LYSMD3: variants seen among roughly 807,000 people sequenced by gnomAD.
The protein encoded by LYSMD3 is LysM domain containing 3.
A neutral mutation model predicts 26.1 loss-of-function variants in LYSMD3; 13 were observed. That is an observed-to-expected ratio of 0.50 (90% CI 0.32 to 0.79). LYSMD3 has a LOEUF of 0.79. Ranked by LOEUF, LYSMD3 falls within the 30% of genes least tolerant of loss-of-function variation. The pLI is 0.03. For synonymous variants in LYSMD3, 109 were observed against 119.4 expected, an observed-to-expected ratio of 0.91 and a Z score of 0.57; for missense variants, 331 against 362.5, an observed-to-expected ratio of 0.91 and a Z score of 0.71.
rs963979607 is a variant in LYSMD3, at chr5:90,518,491, T to A, written c.*328A>T. The A allele has an allele frequency of 4.9e-6, 1 of 203,692 alleles. No homozygotes were observed. Among genetic ancestry groups the A allele is most frequent in the East Asian group, 1.2e-4 (1 of 8,496 alleles). The allele number at this position is 203,692 out of a possible 1,614,324, so 12.6% of individuals were successfully genotyped here. A position where few individuals can be genotyped will look rare whatever the true frequency, so the allele number is the denominator to read the frequency against. ...TCATTCTGCATCATAAATTTAACATTAATAAACTTTTTAAAAATTACTTAA... is the reference window on the plus strand; with the variant it reads ...TCATTCTGCATCATAAATTTAACATAAATAAACTTTTTAAAAATTACTTAA... On this transcript the variant is annotated 3_prime_UTR_variant, in exon 3 of 3. Transcript: ENST00000315948.
chr5:90,524,745 A>C (rs1169912292), intron 2 of LYSMD3, among the ~76,000 whole-genome samples: 5 of 152,016 alleles, frequency 3.3e-5, no homozygotes, highest in Non-Finnish European at 7.4e-5. Flanking sequence ...GCGCCTGCCA[A>C]CACGCCCGGC....
chr5:90,520,279 A>T, intron 2 of LYSMD3: 1 of 409,852 alleles, frequency 2.4e-6, no homozygotes, highest in Non-Finnish European at 4.9e-6. Context: ...TGTCTGGCAG[A>T]TTACCAATTG....
In LYSMD3 at chr5:90,519,498, A is replaced by AT. The variant is rs750613041; in HGVS notation, c.256-15_256-14insA. On this transcript the variant is annotated splice_polypyrimidine_tract_variant and intron_variant, in intron 2 of 2. Transcript: ENST00000315948. ...GATATCTGCTACCTGTGGGGGGGAA[A>AT]AAAAAGCAACATACAACTGAATTCC... 1 of 1,586,404 alleles carries AT rather than the reference A, an allele frequency of 6.3e-7. No individual in the cohort carries two copies. The highest frequency in any genetic ancestry group is 2.2e-5 in the East Asian group (1 of 44,572).
chr5:90,525,031 T>G lies in LYSMD3; in HGVS notation c.255+4A>C, dbSNP rs201763794. The G allele has an allele frequency of 3.1e-5, 49 of 1,566,570 alleles. No homozygotes were observed. The highest frequency in any genetic ancestry group is 4.0e-5 in the Non-Finnish European group (46 of 1,155,262). On this transcript the variant is annotated splice_donor_region_variant and intron_variant, in intron 2 of 2. Coordinates refer to ENST00000315948, the MANE Select transcript of LYSMD3 (RefSeq NM_198273.2). ...GAATTGCATTATGTAATATTAAAAC[T>G]TACCGTACAACAGTACTGAAGGGCT...
intron 2 of LYSMD3, among the ~76,000 whole-genome samples, chr5:90,520,831 A>G (rs1198659202): frequency 2.0e-5 from 3 of 152,076 alleles, no homozygotes; most frequent in Admixed American, 2.0e-4. Context: ...AGGCAGGAGA[A>G]TTACTGGAAG....
intron 2 of LYSMD3, 121 bp downstream of exon 2, chr5:90,524,913 CA>C: frequency 1.0e-6 from 1 of 1,000,974 alleles, no homozygotes; most frequent in Non-Finnish European, 1.4e-6. Flanking sequence ...GATTTCTATG[CA>C]AAAAATAAGA....
rs1753029349 is a variant in LYSMD3 at position 90,519,298 on chromosome 5, T to C, written c.442A>G (p.Asn148Asp). 2 of 1,614,082 alleles carry C rather than the reference T, an allele frequency of 1.2e-6. No individual in the cohort carries two copies. Among genetic ancestry groups the C allele is most frequent in the Non-Finnish European group, 1.7e-6 (2 of 1,180,004 alleles). Residue 148 changes from asparagine to aspartate, a missense_variant, in exon 3 of 3, where the codon AAT (asparagine) becomes GAT (aspartate). Coordinates refer to ENST00000315948, the MANE Select transcript of LYSMD3 (RefSeq NM_198273.2). The stretch of plus-strand genomic sequence containing the variant: ...GAGTCACTGTAAGCAAGAGAATCAT[T>C]AGCTGGCAAAATTTCCTGTTGTTCG... ...SSEQQEILPA[N>D]DSLAYSDSAG...
rs1753033149 is a variant in LYSMD3 at position 90,519,393 on chromosome 5, G to A, written c.347C>T (p.Ser116Phe). 1 of 1,613,914 alleles carries A rather than the reference G, an allele frequency of 6.2e-7. No individual in the cohort carries two copies. Among genetic ancestry groups the A allele is most frequent in the Non-Finnish European group, 8.5e-7 (1 of 1,179,926 alleles). The change falls in exon 3 of 3, where the codon TCC becomes TTC. Residue 116 changes from serine to phenylalanine, a missense_variant. Coordinates refer to ENST00000315948, the MANE Select transcript of LYSMD3 (RefSeq NM_198273.2). ...TGGAGGACAAAGTGTTTCGGTCAAG[G>A]AACTGAACTTTTTTACTGGAATTTT... is the stretch of plus-strand genomic sequence containing the variant. ...SIKIPVKKFS[S>F]LTETLCPPKG...
chr5:90,526,942 G>C (rs1363903465), intron 1 of LYSMD3: 1 of 152,110 alleles, frequency 6.6e-6, no homozygotes, highest in Non-Finnish European at 1.5e-5. Flanking sequence ...AAAAAGAAGA[G>C]GGTCCAAGAC....
At chr5:90,520,659 C>G (rs925519089) in intron 2 of LYSMD3, among the ~76,000 whole-genome samples, 8 of 152,084 alleles carry the variant, frequency 5.3e-5, no homozygotes, top group African/African-American at 1.7e-4. Context: ...GTGGCTCATG[C>G]CTGTAATCCC....
intron 2 of LYSMD3, among the ~76,000 whole-genome samples, chr5:90,523,438 T>C (rs1753141172): frequency 6.6e-6 from 1 of 151,902 alleles, no homozygotes; most frequent in Non-Finnish European, 1.5e-5. Flanking sequence ...TATAAACTTA[T>C]AGACATGTGT....
At chr5:90,525,720 G>A (rs1041679661) in intron 1 of LYSMD3, among the ~76,000 whole-genome samples, 2 of 152,166 alleles carry the variant, frequency 1.3e-5, no homozygotes, top group Non-Finnish European at 2.9e-5. Flanking sequence ...AAAGTGCTAC[G>A]ATTACAGGTG....
rs1166967631 is a variant in LYSMD3 at position 90,516,826 on chromosome 5, T to A, written c.*1993A>T. On this transcript the variant is annotated 3_prime_UTR_variant, in exon 3 of 3. Coordinates refer to ENST00000315948, the MANE Select transcript of LYSMD3 (RefSeq NM_198273.2). Reference sequence around the variant, plus strand: ...ATCAACAAATACACAGCACACCTTATTCCTTTAAAAAATAAGTTACATATT... The same window carrying A: ...ATCAACAAATACACAGCACACCTTAATCCTTTAAAAAATAAGTTACATATT... 6.6e-6 allele frequency: 1 copy of A among 152,492 alleles called. No homozygotes were observed. Among genetic ancestry groups the A allele is most frequent in the Non-Finnish European group, 1.5e-5 (1 of 67,906 alleles). 9.4% of individuals were successfully genotyped at this position (152,492 alleles called of 1,614,324 possible).
In LYSMD3 at chr5:90,529,545, G is replaced by C. The variant is rs757085962; in HGVS notation, c.-109C>G. The stretch of plus-strand genomic sequence containing the variant: ...GTTCATGGCCGAGCCTCTGCTTTGG[G>C]CTGACCCCGTCCGCCTCCGCCTCTG... On this transcript the variant is annotated 5_prime_UTR_variant, in exon 1 of 3. Transcript: ENST00000315948. 6.6e-6 allele frequency: 3 copies of C among 456,610 alleles called. No homozygotes were observed. The highest frequency in any genetic ancestry group is 4.6e-5 in the South Asian group (3 of 64,568). The allele number at this position is 456,610 out of a possible 1,614,324, so 28.3% of individuals were successfully genotyped here.
rs947612952 is a variant in LYSMD3 at position 90,516,387 on chromosome 5, A to G, written c.*2432T>C. 3 of 152,150 alleles carry G rather than the reference A, an allele frequency of 2.0e-5. No homozygotes were observed. Among genetic ancestry groups the G allele is most frequent in the African/African-American group, 7.2e-5 (3 of 41,448 alleles). The allele number at this position is 152,150 out of a possible 1,614,324, so 9.4% of individuals were successfully genotyped here. A position where few individuals can be genotyped will look rare whatever the true frequency, so the allele number is the denominator to read the frequency against. On this transcript the variant is annotated 3_prime_UTR_variant, in exon 3 of 3. Coordinates refer to ENST00000315948, the MANE Select transcript of LYSMD3 (RefSeq NM_198273.2). ...GCAATGATTCTGCTGTTACTTTTACATTGCATACAAGTACATGCGTGCACA... is the reference window on the plus strand; with the variant it reads ...GCAATGATTCTGCTGTTACTTTTACGTTGCATACAAGTACATGCGTGCACA...
chr5:90,528,177 T>C (rs540382950), intron 1 of LYSMD3, among the ~76,000 whole-genome samples: 2 of 152,342 alleles, frequency 1.3e-5, no homozygotes, highest in African/African-American at 4.8e-5. Context: ...CTTTGAATCC[T>C]GTAGATTCCA....
chr5:90,525,468 G>A (rs1753202166), intron 1 of LYSMD3, among the ~76,000 whole-genome samples, 168 bp from the exon 2 acceptor site: 1 of 152,074 alleles, frequency 6.6e-6, no homozygotes, highest in Non-Finnish European at 1.5e-5. Flanking sequence ...GTTTTGTTTT[G>A]AGATGGAGTC....
intron 1 of LYSMD3, chr5:90,527,129 G>GA (rs796443097): frequency 3.3e-5 from 5 of 151,968 alleles, no homozygotes; most frequent in African/African-American, 1.2e-4. Context: ...AGTACCAAGC[G>GA]AAACAAAAAC....
Position 90,519,264 on chromosome 5 carries a change from C to T in LYSMD3, c.476G>A (p.Ser159Asn). The T allele has an allele frequency of 6.2e-7, 1 of 1,613,958 alleles. No individual in the cohort carries two copies. ...GTCTCGGTCTACTTCTTTTAAAAAG[C>T]TACCAGCTGAGTCACTGTAAGCAAG... Reference protein sequence around the residue: ...DSLAYSDSAGSFLKEVDRDIE... With the variant: ...DSLAYSDSAGNFLKEVDRDIE... The change falls in exon 3 of 3, where the codon AGC becomes AAC. Residue 159 changes from serine (S) to asparagine (N), a missense_variant. This residue lies in a region of LYSMD3 where 262 missense variants were observed against 267.3 expected (regional missense o/e 0.98). Transcript: ENST00000315948.
Sources: gnomAD v4.1 joint callset for allele counts (sites outside exome capture counted in the v4.1 genomes callset) on GRCh38, gnomAD v4.1.1 for gene constraint, gnomAD v4.1.1 regional missense constraint, MANE v1.5 for transcripts, NCBI Gene and HGNC (gene_info 2026-07-23, HGNC 2026-07-21) for gene names.